Variants in SPOPL observed in about 807,000 individuals in gnomAD.
SPOPL encodes speckle-type POZ protein-like.
In SPOPL, 23 loss-of-function variants were observed where a neutral mutation model predicts 53.8. That is an observed-to-expected ratio of 0.43 (90% CI 0.31 to 0.61). The LOEUF (loss-of-function observed/expected upper bound fraction) is 0.61, where lower values mean the gene tolerates loss of function less well. Ranked by LOEUF, SPOPL falls within the 20% of genes least tolerant of loss-of-function variation. SPOPL has a pLI of 0.12. For synonymous variants in SPOPL, 164 were observed against 149.7 expected (o/e 1.10, Z -0.70); for missense variants, 442 against 466.9 (o/e 0.95, Z 0.49).
At position 138,550,293 on chromosome 2, in the gene SPOPL, A is replaced by C. The variant is rs1240500696; in HGVS notation, c.77A>C (p.Gln26Pro). 1.9e-6 allele frequency: 3 copies of C among 1,613,598 alleles called. No individual in the cohort carries two copies. The East Asian group carries it at 6.7e-5, about 36-fold the overall frequency. The change falls in exon 2 of 11, where the codon CAG becomes CCG. Residue 26 changes from glutamine (Q) to proline (P), a missense_variant and splice_region_variant. Gln to Pro is a moderately conservative substitution (Grantham distance 76, BLOSUM62 -1). Transcript: ENST00000280098. ...ATAGCAGAAAGCTGGTGTTACACACAGGTACATGCTCTTAAAAATCCCTCA... is the reference window on the plus strand; with the variant it reads ...ATAGCAGAAAGCTGGTGTTACACACCGGTACATGCTCTTAAAAATCCCTCA... ...GPIAESWCYT[Q>P]VKVVKFSYMW...
chr2:138,572,914 A>C lies in SPOPL; in HGVS notation c.*3834A>C, dbSNP rs1352366246. 1 of 152,454 alleles carries C rather than the reference A, an allele frequency of 6.6e-6. No homozygotes were observed. Among genetic ancestry groups the C allele is most frequent in the African/African-American group, 2.4e-5 (1 of 41,416 alleles). 9.4% of individuals were successfully genotyped at this position (152,454 alleles called of 1,614,324 possible). A position where few individuals can be genotyped will look rare whatever the true frequency, so the allele number is the denominator to read the frequency against. On this transcript the variant is annotated 3_prime_UTR_variant, in exon 11 of 11. Transcript: ENST00000280098. ...GTTTGAAAAGAAATTATTATATTTA[A>C]ATTTTTTTGTTGTCAGAGTTTATCA... is the stretch of plus-strand genomic sequence containing the variant.
At chr2:138,536,185 T>C (rs776507582) in intron 1 of SPOPL, among the ~76,000 whole-genome samples, 4 of 152,216 alleles carry the variant, frequency 2.6e-5, no homozygotes, top group African/African-American at 7.2e-5. Flanking sequence ...GGTCATACTT[T>C]CTGTTTTTTC....
chr2:138,505,342 A>C (rs1684191411), intron 1 of SPOPL, among the ~76,000 whole-genome samples: 1 of 152,142 alleles, frequency 6.6e-6, no homozygotes, highest in Admixed American at 6.5e-5. Flanking sequence ...CCTTACTTGG[A>C]TTTGTTAACT....
chr2:138,532,625 G>GT (rs1327909313), intron 1 of SPOPL, among the ~76,000 whole-genome samples: 2 of 95,846 alleles, frequency 2.1e-5, no homozygotes, highest in East Asian at 5.2e-4. Context: ...TGTATTTTTA[G>GT]TAGAGACGGG....
chr2:138,516,180 T>C (rs527679013), intron 1 of SPOPL, among the ~76,000 whole-genome samples: 1 of 152,182 alleles, frequency 6.6e-6, no homozygotes, highest in Non-Finnish European at 1.5e-5. Context: ...TAGATTGATA[T>C]GGAGTGGAGG....
intron 1 of SPOPL, among the ~76,000 whole-genome samples, chr2:138,527,313 T>C (rs971258719): frequency 6.6e-6 from 1 of 152,196 alleles, no homozygotes; most frequent in African/African-American, 2.4e-5. Flanking sequence ...CCGTTGTTCC[T>C]AGTCTTACCT....
Position 138,557,292 on chromosome 2 carries a change from A to C in SPOPL, c.481-1730A>C, listed in dbSNP as rs73959470. On this transcript the variant is annotated intron_variant, in intron 5 of 10. Coordinates refer to ENST00000280098, the MANE Select transcript of SPOPL (RefSeq NM_001001664.3). ...TCTCTTTGTAAAATAAGGTGAATAG[A>C]TTAGATGATTTCTGTGACACATATG... Among the ~76,000 whole-genome samples, 129 of 152,310 alleles carry C rather than the reference A, an allele frequency of 8.5e-4. 2 individuals are homozygous for C. Among genetic ancestry groups the C allele is most frequent in the African/African-American group, 2.9e-3 (119 of 41,574 alleles).
At chr2:138,522,142 CACTTA>C (rs1684572761) in intron 1 of SPOPL, among the ~76,000 whole-genome samples, 1 of 152,150 alleles carries the variant, frequency 6.6e-6, no homozygotes, top group African/African-American at 2.4e-5. Flanking sequence ...TTCTACTGCA[CACTTA>C]ACTTTGAGAC....
At chr2:138,544,138 C>T (rs1293014479) in intron 1 of SPOPL, among the ~76,000 whole-genome samples, 2 of 152,190 alleles carry the variant, frequency 1.3e-5, no homozygotes, top group Non-Finnish European at 1.5e-5. Context: ...TGTCAGTCTG[C>T]CCCTACTGGG....
intron 1 of SPOPL, among the ~76,000 whole-genome samples, chr2:138,503,229 C>G (rs577131675): frequency 6.6e-6 from 1 of 152,308 alleles, no homozygotes; most frequent in South Asian, 2.1e-4. Flanking sequence ...TATATAGTTG[C>G]CAGGGTGTAA....
chr2:138,520,544 G>A (rs1050214429), intron 1 of SPOPL, among the ~76,000 whole-genome samples: 13 of 152,216 alleles, frequency 8.5e-5, no homozygotes, highest in African/African-American at 2.9e-4. Flanking sequence ...GGAAGTTGTA[G>A]AAGATTTTAT....
chr2:138,547,763 A>G (rs1685228711), intron 1 of SPOPL, among the ~76,000 whole-genome samples: 1 of 152,180 alleles, frequency 6.6e-6, no homozygotes, highest in African/African-American at 2.4e-5. Context: ...TGAAATGCCA[A>G]AGTGCAACTC....
intron 8 of SPOPL, 50 bp downstream of exon 8, chr2:138,560,977 A>G (rs755704678): frequency 1.5e-5 from 24 of 1,572,056 alleles, no homozygotes; most frequent in African/African-American, 2.8e-5. Context: ...AGCTTGATTT[A>G]TATAGAAAGC....
At position 138,520,630 on chromosome 2, in the gene SPOPL, T is replaced by C. The variant is rs1279565116; in HGVS notation, c.-61+18511T>C. ...TGTGTTGTTCTTCCTTGTTTCTACA[T>C]GGCCTACATTAGTGTAGGTTCCCCC... is the stretch of plus-strand genomic sequence containing the variant. On this transcript the variant is annotated intron_variant, in intron 1 of 10. Coordinates refer to ENST00000280098, the MANE Select transcript of SPOPL (RefSeq NM_001001664.3). Among the ~76,000 whole-genome samples, 2 of 152,214 alleles carry C rather than the reference T, an allele frequency of 1.3e-5. 1 individual carries two copies. The highest frequency in any genetic ancestry group is 2.9e-5 in the Non-Finnish European group (2 of 68,022).
At chr2:138,503,032 TTCCCACTTG>T in intron 1 of SPOPL, among the ~76,000 whole-genome samples, 1 of 152,348 alleles carries the variant, frequency 6.6e-6, no homozygotes, top group East Asian at 1.9e-4. Context: ...GGTACTCACT[TTCCCACTTG>T]CAATTGAATC....
intron 1 of SPOPL, among the ~76,000 whole-genome samples, chr2:138,512,973 G>A (rs563185944): frequency 6.6e-6 from 1 of 152,218 alleles, no homozygotes; most frequent in African/African-American, 2.4e-5. Context: ...GCTAAGGTAG[G>A]TCAGTGCTTC....
intron 5 of SPOPL, among the ~76,000 whole-genome samples, chr2:138,556,420 T>G (rs910393308): frequency 6.6e-6 from 1 of 152,224 alleles, no homozygotes; most frequent in African/African-American, 2.4e-5. Flanking sequence ...CATCACATTT[T>G]GTAACTCTGC....
chr2:138,535,764 T>C (rs1376296401), intron 1 of SPOPL, among the ~76,000 whole-genome samples: 1 of 152,086 alleles, frequency 6.6e-6, no homozygotes, highest in Non-Finnish European at 1.5e-5. Context: ...ATACTCCCAT[T>C]ATATACATGT....
At position 138,510,242 on chromosome 2, in the gene SPOPL, A is replaced by G. The variant is rs143117842; in HGVS notation, c.-61+8123A>G. ...CAGCTCTTGGTAAATACCAAGGACCATGATTGATGGGTAGCATGGTAAGAG... is the reference window on the plus strand; with the variant it reads ...CAGCTCTTGGTAAATACCAAGGACCGTGATTGATGGGTAGCATGGTAAGAG... On this transcript the variant is annotated intron_variant, in intron 1 of 10. Transcript: ENST00000280098. Among the ~76,000 whole-genome samples, 255 of 152,362 alleles carry G rather than the reference A, an allele frequency of 1.7e-3. 1 individual carries two copies. Among genetic ancestry groups the G allele is most frequent in the African/African-American group, 5.6e-3 (235 of 41,600 alleles).
Sources: gnomAD v4.1 joint callset for allele counts (sites outside exome capture counted in the v4.1 genomes callset) on GRCh38, gnomAD v4.1.1 for gene constraint, MANE v1.5 for transcripts, NCBI Gene and HGNC (gene_info 2026-07-23, HGNC 2026-07-21) for gene names.